MMP26: variants seen among roughly 807,000 people sequenced by gnomAD.
The protein encoded by MMP26 is matrix metalloproteinase-26.
MMP26 carries 33 observed loss-of-function variants against 31.0 expected under a neutral mutation model. That is an observed-to-expected ratio of 1.06 (90% CI 0.81 to 1.42). MMP26 has a LOEUF of 1.42. Among genes scored for constraint, MMP26 ranks in the 40% most tolerant of loss-of-function variants. The probability of loss-of-function intolerance (pLI) is 0.00; values close to 1 mark genes in which losing one functional copy is unlikely to be tolerated. For missense variants in MMP26, 347 were observed against 316.1 expected (o/e 1.10, Z -0.74); for synonymous variants, 122 against 114.9 (o/e 1.06, Z -0.40).
At chr11:4,840,883 G>C (rs542290195) in intron 2 of MMP26, among the ~76,000 whole-genome samples, 18 of 152,322 alleles carry the variant, frequency 1.2e-4, no homozygotes, top group African/African-American at 3.6e-4. Context: ...CAAAATACCT[G>C]TGTTGAGGAA....
chr11:4,750,311 C>T (rs897189514), intron 1 of MMP26, among the ~76,000 whole-genome samples: 2 of 152,066 alleles, frequency 1.3e-5, no homozygotes, highest in Non-Finnish European at 2.9e-5. Context: ...AACATTTACA[C>T]ACTGTTGGTG....
At chr11:4,781,622 A>C (rs961823847) in intron 2 of MMP26, among the ~76,000 whole-genome samples, 2 of 142,918 alleles carry the variant, frequency 1.4e-5, no homozygotes, top group African/African-American at 2.5e-5. Flanking sequence ...TTGCATAATC[A>C]AGTATTAAAC....
chr11:4,904,780 G>A (rs1473822708), intron 2 of MMP26, among the ~76,000 whole-genome samples: 1 of 152,114 alleles, frequency 6.6e-6, no homozygotes, highest in Non-Finnish European at 1.5e-5. Flanking sequence ...AAAGTGCTAA[G>A]AAATGATTCT....
At chr11:4,894,803 T>C (rs1387077447) in intron 2 of MMP26, among the ~76,000 whole-genome samples, 1 of 150,196 alleles carries the variant, frequency 6.7e-6, no homozygotes, top group Non-Finnish European at 1.5e-5. Flanking sequence ...GAAGAAAACA[T>C]TGGGAAGTAT....
intron 1 of MMP26, chr11:4,722,860 G>T (rs879145799): frequency 1.2e-6 from 1 of 829,234 alleles, no homozygotes; most frequent in Non-Finnish European, 2.1e-6. Context: ...CAGAGCCAAA[G>T]CTGGAGCCCA....
chr11:4,725,161 G>A (rs4471411), intron 1 of MMP26, among the ~76,000 whole-genome samples: 5 of 152,216 alleles, frequency 3.3e-5, no homozygotes, highest in African/African-American at 1.2e-4. Flanking sequence ...CCTGAGGCCT[G>A]CCCAGCACCA....
intron 2 of MMP26, among the ~76,000 whole-genome samples, chr11:4,795,535 C>T (rs887534800): frequency 6.6e-6 from 1 of 152,146 alleles, no homozygotes; most frequent in African/African-American, 2.4e-5. Flanking sequence ...AATTGGGCTA[C>T]ATCCAGTTTC....
At chr11:4,769,792 A>G (rs1848690416) in intron 2 of MMP26, 2 of 1,613,562 alleles carry the variant, frequency 1.2e-6, no homozygotes, top group Non-Finnish European at 1.7e-6. Context: ...CGCTGTTCCC[A>G]GAGAGGGCAA....
chr11:4,753,565 G>T (rs1848472758), intron 1 of MMP26, among the ~76,000 whole-genome samples: 1 of 151,984 alleles, frequency 6.6e-6, no homozygotes, highest in African/African-American at 2.4e-5. Context: ...TTTGTCACTT[G>T]ATTTTCCTTT....
chr11:4,948,807 A>G (rs1162110805), intron 2 of MMP26, among the ~76,000 whole-genome samples: 2 of 125,078 alleles, frequency 1.6e-5, no homozygotes, highest in African/African-American at 5.4e-5. Flanking sequence ...AAACTATGTG[A>G]TGATTACTTC....
intron 2 of MMP26, among the ~76,000 whole-genome samples, chr11:4,780,164 C>T (rs1453479683): frequency 6.6e-6 from 1 of 152,052 alleles, no homozygotes; most frequent in Non-Finnish European, 1.5e-5. Context: ...AACTTTCTTG[C>T]ATATTCCCTT....
chr11:4,953,754 A>T lies in MMP26; in HGVS notation c.-144-34314A>T, dbSNP rs1846396789. 1.6e-5 allele frequency among the ~76,000 whole-genome samples: 2 copies of T among 125,306 alleles called. 1 individual carries two copies. Among genetic ancestry groups the T allele is most frequent in the Non-Finnish European group, 3.6e-5 (2 of 55,302 alleles). 82.2% of individuals were successfully genotyped at this position (125,306 alleles called of 152,430 possible). On this transcript the variant is annotated intron_variant, in intron 2 of 7. Coordinates refer to ENST00000380390, the MANE Select transcript of MMP26 (RefSeq NM_021801.5). ...GGGTCCAGCTCATGTAGGGTCTCGG[A>T]ATATGTTCTTCCTTCGGCTTGGCGT...
intron 1 of MMP26, among the ~76,000 whole-genome samples, chr11:4,705,922 A>G (rs1847769683): frequency 1.7e-5 from 2 of 117,964 alleles, no homozygotes; most frequent in African/African-American, 6.5e-5. Flanking sequence ...TGGGAGGAGT[A>G]GGTGATTGTG....
chr11:4,910,246 C>A (rs1428422604), intron 2 of MMP26, among the ~76,000 whole-genome samples: 1 of 151,990 alleles, frequency 6.6e-6, no homozygotes, highest in East Asian at 1.9e-4. Context: ...ATTGCATCTT[C>A]CTGTGACTTT....
chr11:4,817,255 G>A (rs1777801951), intron 2 of MMP26, among the ~76,000 whole-genome samples: 1 of 152,114 alleles, frequency 6.6e-6, no homozygotes, highest in Non-Finnish European at 1.5e-5. Context: ...AAGGGCATTT[G>A]TTCCTTGCAC....
intron 2 of MMP26, among the ~76,000 whole-genome samples, chr11:4,771,461 C>T (rs1032452067): frequency 9.2e-5 from 14 of 152,104 alleles, no homozygotes; most frequent in Non-Finnish European, 1.8e-4. Context: ...ATACAGTAGA[C>T]GTTTTCAGGA....
intron 2 of MMP26, among the ~76,000 whole-genome samples, chr11:4,901,099 T>C (rs1456903504): frequency 3.3e-5 from 5 of 150,578 alleles, no homozygotes; most frequent in Admixed American, 3.3e-4. Flanking sequence ...GTGCACCACA[T>C]TGCAATAGTA....
At chr11:4,826,395 T>C (rs1016304808) in intron 2 of MMP26, among the ~76,000 whole-genome samples, 2 of 152,170 alleles carry the variant, frequency 1.3e-5, no homozygotes, top group East Asian at 3.9e-4. Context: ...CACACAGATA[T>C]TCAGGGCTAA....
chr11:4,982,460 G>A (rs747109245), intron 2 of MMP26, among the ~76,000 whole-genome samples: 1 of 152,092 alleles, frequency 6.6e-6, no homozygotes, highest in Non-Finnish European at 1.5e-5. Context: ...ACGTCTGCCT[G>A]TATGAAAGTT....
Sources: allele counts gnomAD v4.1 joint callset (sites outside exome capture counted in the v4.1 genomes callset), GRCh38; gene constraint gnomAD v4.1.1; transcripts MANE v1.5; gene names NCBI Gene and HGNC (gene_info 2026-07-23, HGNC 2026-07-21).